Variants in ZFHX3 observed in about 807,000 individuals in gnomAD.
ZFHX3 encodes zinc finger homeobox protein 3.
Under a neutral mutation model 279.1 loss-of-function variants are expected in ZFHX3, and 42 were observed. That is an observed-to-expected ratio of 0.15 (90% CI 0.12 to 0.19). ZFHX3 has a LOEUF of 0.19. Ranked by LOEUF, ZFHX3 falls within the 10% of genes least tolerant of loss-of-function variation. The pLI is 1.00. For missense variants in ZFHX3, 4,981 were observed against 4,754.0 expected, an observed-to-expected ratio of 1.05 and a Z score of -1.40; for synonymous variants, 2,293 against 1,957.8, an observed-to-expected ratio of 1.17 and a Z score of -4.52.
At chr16:73,765,060 C>T (rs769638270) in intron 1 of ZFHX3, among the ~76,000 whole-genome samples, 31 of 152,168 alleles carry the variant, frequency 2.0e-4, no homozygotes, top group Admixed American at 9.8e-4. Context: ...TCCTCTTCCC[C>T]GAAATGTCTG....
chr16:72,920,197 A>C (rs12149607), intron 3 of ZFHX3, among the ~76,000 whole-genome samples: 19 of 152,162 alleles, frequency 1.2e-4, no homozygotes, highest in Admixed American at 5.2e-4. Flanking sequence ...AAAAATAACC[A>C]AAATAAACAA....
intron 5 of ZFHX3, among the ~76,000 whole-genome samples, chr16:73,239,870 C>T (rs150488313): frequency 3.0e-4 from 45 of 152,306 alleles, no homozygotes; most frequent in African/African-American, 1.0e-3. Flanking sequence ...AAAGTTGCCA[C>T]AGACACTGAG....
At chr16:73,739,077 T>C (rs1156858855) in intron 1 of ZFHX3, among the ~76,000 whole-genome samples, 1 of 152,210 alleles carries the variant, frequency 6.6e-6, no homozygotes, top group Non-Finnish European at 1.5e-5. Flanking sequence ...CTTCCTGCTG[T>C]TGCAAATCTT....
chr16:72,880,092 T>C (rs539988082), intron 4 of ZFHX3, among the ~76,000 whole-genome samples: 4 of 152,320 alleles, frequency 2.6e-5, no homozygotes, highest in East Asian at 1.9e-4. Flanking sequence ...AACCGTGTGC[T>C]GCGAGCAGGA....
intron 3 of ZFHX3, among the ~76,000 whole-genome samples, chr16:73,352,916 C>G (rs1384658042): frequency 6.6e-6 from 1 of 152,166 alleles, no homozygotes; most frequent in Non-Finnish European, 1.5e-5. Flanking sequence ...TGGCTTGGTT[C>G]AGGGCTGGGG....
chr16:73,181,467 C>A (rs768961368), intron 5 of ZFHX3, among the ~76,000 whole-genome samples: 5 of 152,154 alleles, frequency 3.3e-5, no homozygotes, highest in African/African-American at 4.8e-5. Flanking sequence ...TCACCCCAAA[C>A]CACTGTATCC....
intron 1 of ZFHX3, among the ~76,000 whole-genome samples, chr16:73,875,359 G>T (rs756746532): frequency 1.2e-4 from 19 of 152,144 alleles, no homozygotes; most frequent in Non-Finnish European, 1.2e-4. Flanking sequence ...GGCACGTAAG[G>T]TGCAAACACA....
chr16:73,565,032 C>T (rs1446173248), intron 2 of ZFHX3, among the ~76,000 whole-genome samples: 1 of 152,204 alleles, frequency 6.6e-6, no homozygotes, highest in Non-Finnish European at 1.5e-5. Context: ...GCGGGCAGAT[C>T]ACCTGAGGTC....
intron 4 of ZFHX3, among the ~76,000 whole-genome samples, chr16:72,889,497 A>T (rs914875868): frequency 3.3e-5 from 5 of 151,878 alleles, no homozygotes; most frequent in Non-Finnish European, 7.4e-5. Context: ...TAAAAAAAAA[A>T]AAAAAAAAGA....
intron 5 of ZFHX3, among the ~76,000 whole-genome samples, chr16:73,198,001 G>A (rs565908696): frequency 7.9e-6 from 1 of 127,368 alleles, no homozygotes; most frequent in African/African-American, 3.0e-5. Context: ...GCAGTGGCAC[G>A]ATCTCGGCTC....
intron 7 of ZFHX3, among the ~76,000 whole-genome samples, chr16:73,094,071 C>A (rs181516701): frequency 3.2e-4 from 49 of 152,206 alleles, no homozygotes; most frequent in Non-Finnish European, 6.5e-4. Flanking sequence ...ACCCCCCCAA[C>A]CCCCTACAAA....
At chr16:73,519,807 C>T (rs939823197) in intron 2 of ZFHX3, among the ~76,000 whole-genome samples, 1 of 152,110 alleles carries the variant, frequency 6.6e-6, no homozygotes, top group African/African-American at 2.4e-5. Flanking sequence ...TCCAAGACAC[C>T]ATTTGATTAG....
intron 1 of ZFHX3, among the ~76,000 whole-genome samples, chr16:73,888,405 G>C (rs970893473): frequency 1.2e-4 from 19 of 152,142 alleles, no homozygotes; most frequent in Admixed American, 2.6e-4. Flanking sequence ...CAAGATGAGA[G>C]ACAAAGATGA....
intron 3 of ZFHX3, among the ~76,000 whole-genome samples, chr16:72,928,965 C>T (rs113386786): frequency 0.12 from 18,893 of 151,778 alleles, 1,853 homozygotes; most frequent in African/African-American, 0.26. Context: ...TGGCTGGGTG[C>T]GGGAGCTCAT....
At chr16:73,053,281 A>T (rs529206212) in intron 1 of ZFHX3, among the ~76,000 whole-genome samples, 1 of 152,156 alleles carries the variant, frequency 6.6e-6, no homozygotes, top group East Asian at 1.9e-4. Context: ...AACGGCCTTT[A>T]TATCTACGAA....
chr16:73,115,254 G>C lies in ZFHX3; in HGVS notation c.-897+15714C>G, dbSNP rs540277822. Among the ~76,000 whole-genome samples the C allele has an allele frequency of 4.0e-5, 6 of 151,564 alleles. No homozygotes were observed. The East Asian group carries it at 1.2e-3, about 30-fold the overall frequency. On this transcript the variant is annotated intron_variant, in intron 7 of 17. Transcript: ENST00000641206. ...TCTACCACTGCCCCAAGATTACGGG[G>C]TCCAGGCCAGGCGTGATGGCTCATG...
At chr16:73,586,779 A>T (rs2051931573) in intron 2 of ZFHX3, among the ~76,000 whole-genome samples, 1 of 152,280 alleles carries the variant, frequency 6.6e-6, no homozygotes, top group South Asian at 2.1e-4. Context: ...AATTGACCTA[A>T]TGGACATATT....
At chr16:73,415,996 T>C (rs533504406) in intron 3 of ZFHX3, among the ~76,000 whole-genome samples, 1 of 151,592 alleles carries the variant, frequency 6.6e-6, no homozygotes, top group African/African-American at 2.4e-5. Context: ...GATGGGCACC[T>C]GTAATCCCAG....
chr16:72,879,944 G>T (rs1427224814), intron 4 of ZFHX3, among the ~76,000 whole-genome samples: 1 of 152,164 alleles, frequency 6.6e-6, no homozygotes, highest in Non-Finnish European at 1.5e-5. Flanking sequence ...AAGAGTCATG[G>T]TAAAATGGGC....
Sources: allele counts gnomAD v4.1 joint callset (sites outside exome capture counted in the v4.1 genomes callset), GRCh38; gene constraint gnomAD v4.1.1; transcripts MANE v1.5; gene names NCBI Gene and HGNC (gene_info 2026-07-23, HGNC 2026-07-21).